The following DDX1 variants were observed in gnomAD, a reference collection of about 807,000 sequenced individuals.
DDX1 encodes the protein ATP-dependent RNA helicase DDX1.
A neutral mutation model predicts 108.7 loss-of-function variants in DDX1; 28 were observed. That is an observed-to-expected ratio of 0.26 (90% CI 0.19 to 0.35). DDX1 has a LOEUF of 0.35. Ranked by LOEUF, DDX1 falls within the 10% of genes least tolerant of loss-of-function variation. The probability of loss-of-function intolerance (pLI) is 1.00; values close to 1 mark genes in which losing one functional copy is unlikely to be tolerated. For missense variants in DDX1, 710 were observed against 884.5 expected (o/e 0.80, Z 2.50); for synonymous variants, 295 against 288.9 (o/e 1.02, Z -0.21).
chr2:15,591,926 G>A lies in DDX1; in HGVS notation c.-8G>A. The A allele has an allele frequency of 6.9e-7, 1 of 1,449,308 alleles. No individual in the cohort carries two copies. Among genetic ancestry groups the A allele is most frequent in the Non-Finnish European group, 9.1e-7 (1 of 1,101,402 alleles). 89.8% of individuals were successfully genotyped at this position (1,449,308 alleles called of 1,614,324 possible). ...CGAGCAGGCGAAGCCGCGGAGGACG[G>A]GGTGAAGATGGCGGCCTTCTCCGGT... On this transcript the variant is annotated 5_prime_UTR_variant, in exon 1 of 26. Coordinates refer to ENST00000233084, the MANE Select transcript of DDX1 (RefSeq NM_004939.3).
At chr2:15,607,358 G>A in intron 13 of DDX1, 45 bp downstream of exon 13, 1 of 1,580,624 alleles carries the variant, frequency 6.3e-7, no homozygotes, top group East Asian at 2.3e-5. Flanking sequence ...CTTTTGGTTT[G>A]AAGTTTTTTG....
chr2:15,620,997 C>A, intron 17 of DDX1, 68 bp from the exon 18 acceptor site: 1 of 970,432 alleles, frequency 1.0e-6, no homozygotes, highest in Non-Finnish European at 1.6e-6. Flanking sequence ...CCTTTTAAAA[C>A]ATGACATATA....
At chr2:15,602,756 C>G (rs534220662) in intron 7 of DDX1, 125 bp downstream of exon 7, 16 of 676,240 alleles carry the variant, frequency 2.4e-5, no homozygotes, top group Middle Eastern at 3.6e-4. Context: ...CTGGAGGGCC[C>G]GGGCTGGAGG....
chr2:15,593,948 T>C (rs1665460044), intron 1 of DDX1, among the ~76,000 whole-genome samples: 1 of 151,992 alleles, frequency 6.6e-6, no homozygotes, highest in Admixed American at 6.6e-5. Flanking sequence ...CGTGGTGGCA[T>C]GCGCCTGTAG....
At chr2:15,610,189 C>T (rs1276612884) in intron 13 of DDX1, among the ~76,000 whole-genome samples, 4 of 152,164 alleles carry the variant, frequency 2.6e-5, no homozygotes, top group Non-Finnish European at 5.9e-5. Context: ...GTCTCCGCCT[C>T]CGAAAGTGCT....
At chr2:15,614,011 T>C (rs934781594) in intron 14 of DDX1, among the ~76,000 whole-genome samples, 4 of 151,996 alleles carry the variant, frequency 2.6e-5, no homozygotes, top group African/African-American at 7.2e-5. Context: ...GATTTTTTTG[T>C]ATTTTCACCA....
At chr2:15,604,270 T>C (rs1362398295) in intron 9 of DDX1, among the ~76,000 whole-genome samples, 167 bp from the exon 10 acceptor site, 1 of 152,234 alleles carries the variant, frequency 6.6e-6, no homozygotes, top group Non-Finnish European at 1.5e-5. Context: ...ATATGTTGAT[T>C]CTAACAAGCC....
chr2:15,595,319 T>G, intron 2 of DDX1, 123 bp downstream of exon 2: 2 of 981,310 alleles, frequency 2.0e-6, no homozygotes, highest in Non-Finnish European at 3.0e-6. Flanking sequence ...TTTTTTGTGA[T>G]TTTCTAAATT....
chr2:15,627,008 G>T (rs1340554084), intron 19 of DDX1, 46 bp from the exon 20 acceptor site: 1 of 1,291,206 alleles, frequency 7.7e-7, no homozygotes. Flanking sequence ...CATAGTCTTA[G>T]GCAGAAGATT....
chr2:15,621,416 C>T, intron 18 of DDX1: 1 of 258,056 alleles, frequency 3.9e-6, no homozygotes, highest in Non-Finnish European at 7.3e-6. Flanking sequence ...AAGCAGTTCT[C>T]TTCTTGCCTC....
rs781608596 is a variant in DDX1, at chr2:15,603,208, A to G, written c.408A>G (p.Glu136=). 9 of 1,612,174 alleles carry G rather than the reference A, an allele frequency of 5.6e-6. No homozygotes were observed. The highest frequency in any genetic ancestry group is 4.5e-5 in the East Asian group (2 of 44,876). ...KGLMKGKHYY[E]VSCHDQGLCR... The stretch of plus-strand genomic sequence containing the variant: ...CCCTTGTAGGGAAACACTACTATGA[A>G]GTATCCTGTCATGACCAAGGGTTAT... The change falls in exon 8 of 26, where the codon GAA becomes GAG. Residue 136 remains glutamate, a synonymous_variant. Transcript: ENST00000233084.
At chr2:15,599,818 A>G (rs1030159519) in intron 6 of DDX1, 102 bp downstream of exon 6, 20 of 843,176 alleles carry the variant, frequency 2.4e-5, no homozygotes, top group Non-Finnish European at 3.6e-5. Context: ...AATTTACCAG[A>G]TATTAGAATT....
chr2:15,593,950 C>T (rs549439618), intron 1 of DDX1, among the ~76,000 whole-genome samples: 2 of 152,118 alleles, frequency 1.3e-5, no homozygotes, highest in African/African-American at 2.4e-5. Flanking sequence ...TGGTGGCATG[C>T]GCCTGTAGCC....
In DDX1 at chr2:15,606,016, G is replaced by A; in HGVS notation, c.692G>A (p.Cys231Tyr). ...AAAAACCAAGCCCTCTTTCCTGCCT[G>A]TGTTTTGAAGGTAATTAGGAATCTA... ...HMKNQALFPA[C>Y]VLKNAELKFN... Residue 231 changes from cysteine (C) to tyrosine (Y), a missense_variant, in exon 11 of 26, where the codon TGT becomes TAT. Cys to Tyr is a radical substitution (Grantham distance 194, BLOSUM62 -2). Transcript: ENST00000233084. 1 of 1,588,550 alleles carries A rather than the reference G, an allele frequency of 6.3e-7. No homozygotes were observed. The highest frequency in any genetic ancestry group is 8.5e-7 in the Non-Finnish European group (1 of 1,170,524).
intron 6 of DDX1, among the ~76,000 whole-genome samples, chr2:15,600,051 A>G (rs1254218473): frequency 6.9e-6 from 1 of 145,886 alleles, no homozygotes; most frequent in Non-Finnish European, 1.5e-5. Flanking sequence ...AATAAATTCC[A>G]TGTGTATTTA....
chr2:15,622,318 A>G (rs780582933), intron 18 of DDX1, among the ~76,000 whole-genome samples: 2 of 152,258 alleles, frequency 1.3e-5, no homozygotes, highest in Non-Finnish European at 1.5e-5. Flanking sequence ...TTAAATATTT[A>G]TCAATTTTTA....
intron 15 of DDX1, 71 bp from the exon 16 acceptor site, chr2:15,618,110 G>C (rs1335247738): frequency 1.7e-5 from 14 of 826,630 alleles, no homozygotes; most frequent in Non-Finnish European, 1.9e-5. Context: ...AAAGATTTTT[G>C]ATACTGATTA....
At chr2:15,630,187 C>G in intron 25 of DDX1, 77 bp downstream of exon 25, 1 of 1,410,114 alleles carries the variant, frequency 7.1e-7, no homozygotes, top group East Asian at 2.3e-5. Context: ...GAAGGCAGTA[C>G]TTTCATTTCA....
At chr2:15,620,924 G>A in intron 17 of DDX1, 141 bp from the exon 18 acceptor site, 1 of 523,862 alleles carries the variant, frequency 1.9e-6, no homozygotes, top group South Asian at 3.5e-5. Flanking sequence ...GAATGATTTT[G>A]CCTACAGATT....
Sources: gnomAD v4.1 joint callset for allele counts (sites outside exome capture counted in the v4.1 genomes callset) on GRCh38, gnomAD v4.1.1 for gene constraint, MANE v1.5 for transcripts, NCBI Gene and HGNC (gene_info 2026-07-23, HGNC 2026-07-21) for gene names.